FSTL5: variants seen among roughly 807,000 people sequenced by gnomAD.
FSTL5 encodes the protein follistatin-related protein 5.
A neutral mutation model predicts 89.1 loss-of-function variants in FSTL5; 62 were observed. The observed-to-expected ratio is 0.70, with a 90% CI of 0.57 to 0.86. The LOEUF (loss-of-function observed/expected upper bound fraction) is 0.86, where lower values mean the gene tolerates loss of function less well. FSTL5 is among the 40% of genes least tolerant of loss of function. The pLI is 0.00. For missense variants in FSTL5, 1,057 were observed against 1,001.6 expected (o/e 1.06, Z -0.75); for synonymous variants, 383 against 346.2 (o/e 1.11, Z -1.18).
intron 8 of FSTL5, among the ~76,000 whole-genome samples, chr4:161,567,302 CAT>C (rs1560957125): frequency 6.6e-6 from 1 of 151,946 alleles, no homozygotes; most frequent in African/African-American, 2.4e-5. Flanking sequence ...ATTTTTAAAA[CAT>C]ATGGATTAAC....
At chr4:161,907,218 A>T (rs1733562831) in intron 4 of FSTL5, among the ~76,000 whole-genome samples, 1 of 152,106 alleles carries the variant, frequency 6.6e-6, no homozygotes, top group Non-Finnish European at 1.5e-5. Flanking sequence ...TATTCGGAAT[A>T]TGGAAAAGAC....
At chr4:161,890,914 A>G (rs982688542) in intron 4 of FSTL5, among the ~76,000 whole-genome samples, 1 of 152,054 alleles carries the variant, frequency 6.6e-6, no homozygotes, top group African/African-American at 2.4e-5. Flanking sequence ...TTAAAATTAT[A>G]TACTGTCTCT....
At chr4:161,708,485 A>C (rs1738664688) in intron 6 of FSTL5, among the ~76,000 whole-genome samples, 1 of 152,082 alleles carries the variant, frequency 6.6e-6, no homozygotes, top group Non-Finnish European at 1.5e-5. Context: ...TGAAACCTGC[A>C]CTGTGAGTCA....
At chr4:161,417,944 C>T (rs1036818048) in intron 15 of FSTL5, among the ~76,000 whole-genome samples, 10 of 152,134 alleles carry the variant, frequency 6.6e-5, no homozygotes, top group Non-Finnish European at 1.3e-4. Flanking sequence ...AAATTAAGTA[C>T]AGCAGGTCCT....
At chr4:161,552,335 A>G (rs571139108) in intron 8 of FSTL5, among the ~76,000 whole-genome samples, 41 of 151,982 alleles carry the variant, frequency 2.7e-4, no homozygotes, top group African/African-American at 8.4e-4. Context: ...GTAAGCATCA[A>G]TTCTTCTTGC....
chr4:161,415,034 A>T (rs539344428), intron 15 of FSTL5, among the ~76,000 whole-genome samples: 2 of 152,320 alleles, frequency 1.3e-5, no homozygotes, highest in Admixed American at 1.3e-4. Context: ...GATATATTGT[A>T]GGTGCTTAGT....
intron 4 of FSTL5, among the ~76,000 whole-genome samples, chr4:161,849,728 A>G (rs1425186908): frequency 6.6e-6 from 1 of 151,960 alleles, no homozygotes; most frequent in Non-Finnish European, 1.5e-5. Flanking sequence ...TATGAGACAA[A>G]CAAATACTAT....
chr4:161,853,088 G>A (rs969580884), intron 4 of FSTL5, among the ~76,000 whole-genome samples: 1 of 152,148 alleles, frequency 6.6e-6, no homozygotes, highest in Non-Finnish European at 1.5e-5. Flanking sequence ...GAGCAAAAAT[G>A]GGTTCCTAAT....
intron 3 of FSTL5, among the ~76,000 whole-genome samples, chr4:161,949,493 A>G (rs10010855): frequency 0.33 from 49,321 of 151,722 alleles, 9,737 homozygotes; most frequent in Non-Finnish European, 0.43. Flanking sequence ...GAACTTCTTG[A>G]TTCAATGGTT....
intron 1 of FSTL5, among the ~76,000 whole-genome samples, chr4:162,119,657 T>C (rs2111429372): frequency 6.6e-6 from 1 of 152,334 alleles, no homozygotes; most frequent in Non-Finnish European, 1.5e-5. Flanking sequence ...TAAACATTCA[T>C]TTCCTTGTGT....
chr4:161,621,114 T>C (rs939390526), intron 7 of FSTL5, among the ~76,000 whole-genome samples: 12 of 152,180 alleles, frequency 7.9e-5, no homozygotes, highest in African/African-American at 1.7e-4. Flanking sequence ...TCACAAGATG[T>C]ACCGTATGGA....
chr4:161,831,526 A>G (rs1306266476), intron 4 of FSTL5, among the ~76,000 whole-genome samples: 1 of 151,936 alleles, frequency 6.6e-6, no homozygotes, highest in Non-Finnish European at 1.5e-5. Context: ...GTTACAAAAA[A>G]AAGCATATAA....
chr4:161,943,182 T>A (rs1015743396), intron 3 of FSTL5, among the ~76,000 whole-genome samples: 1 of 152,036 alleles, frequency 6.6e-6, no homozygotes, highest in African/African-American at 2.4e-5. Context: ...TCAAATTACC[T>A]ATCAAAATGA....
intron 15 of FSTL5, among the ~76,000 whole-genome samples, chr4:161,437,760 C>T (rs575450267): frequency 1.3e-5 from 2 of 152,012 alleles, no homozygotes; most frequent in South Asian, 4.2e-4. Flanking sequence ...TGGGAATTTT[C>T]TGAATGTGAG....
intron 6 of FSTL5, among the ~76,000 whole-genome samples, chr4:161,732,618 T>G (rs867025017): frequency 2.0e-5 from 3 of 152,074 alleles, no homozygotes; most frequent in African/African-American, 7.2e-5. Context: ...AAAGTTTGAT[T>G]GTTTTAGTTC....
intron 13 of FSTL5, among the ~76,000 whole-genome samples, chr4:161,461,732 C>A (rs938825822): frequency 6.6e-6 from 1 of 151,918 alleles, no homozygotes; most frequent in African/African-American, 2.4e-5. Context: ...GCATATATAG[C>A]CCTAAAAAGT....
chr4:161,950,871 T>G (rs1316428743), intron 3 of FSTL5, among the ~76,000 whole-genome samples: 4 of 152,066 alleles, frequency 2.6e-5, no homozygotes, highest in African/African-American at 9.7e-5. Context: ...TTCTAAACAA[T>G]CATGCCAGAA....
intron 3 of FSTL5, among the ~76,000 whole-genome samples, chr4:161,986,672 A>G (rs1373764847): frequency 6.6e-6 from 1 of 152,250 alleles, no homozygotes; most frequent in East Asian, 1.9e-4. Context: ...CTAGAATAGG[A>G]TAACTGAATG....
intron 4 of FSTL5, among the ~76,000 whole-genome samples, chr4:161,846,654 TA>T (rs1731379329): frequency 6.6e-6 from 1 of 152,114 alleles, no homozygotes; most frequent in East Asian, 1.9e-4. Context: ...AAAACCACAA[TA>T]TCAAGTAGTT....
Sources: allele counts gnomAD v4.1 joint callset (sites outside exome capture counted in the v4.1 genomes callset), GRCh38; gene constraint gnomAD v4.1.1; transcripts MANE v1.5; gene names NCBI Gene and HGNC (gene_info 2026-07-23, HGNC 2026-07-21).